Variants in XPO4 observed in about 807,000 individuals in gnomAD.
XPO4 encodes exportin-4.
XPO4 carries 39 observed loss-of-function variants against 143.0 expected under a neutral mutation model. The ratio of observed to expected loss-of-function variants is 0.27; its 90% CI spans 0.21 to 0.36. XPO4 has a LOEUF of 0.36. Among genes scored for constraint, XPO4 ranks in the 10% least tolerant of loss-of-function variants. The pLI is 1.00. For missense variants in XPO4, 907 were observed against 1,348.0 expected (o/e 0.67, Z 5.12); for synonymous variants, 439 against 474.0 (o/e 0.93, Z 0.96).
intron 14 of XPO4, among the ~76,000 whole-genome samples, chr13:20,800,547 G>C (rs1436402152): frequency 6.6e-6 from 1 of 151,744 alleles, no homozygotes; most frequent in Non-Finnish European, 1.5e-5. Flanking sequence ...TATTCCCATA[G>C]TATTAAAAAA....
intron 17 of XPO4, 145 bp from the exon 18 acceptor site, chr13:20,796,401 G>T (rs1050835238): frequency 1.5e-6 from 1 of 666,196 alleles, no homozygotes; most frequent in Non-Finnish European, 2.2e-6. Flanking sequence ...ATAATTTCTA[G>T]AAAGCATATA....
chr13:20,858,393 T>C (rs369917059), intron 3 of XPO4, among the ~76,000 whole-genome samples: 3 of 152,158 alleles, frequency 2.0e-5, no homozygotes, highest in African/African-American at 7.2e-5. Flanking sequence ...AAGGCTAAAG[T>C]ATCATGATGT....
At chr13:20,794,140 T>G (rs1417046604) in intron 18 of XPO4, among the ~76,000 whole-genome samples, 1 of 152,192 alleles carries the variant, frequency 6.6e-6, no homozygotes, top group Non-Finnish European at 1.5e-5. Context: ...TTATTAACGC[T>G]GCCCAGCGCT....
chr13:20,866,546 T>C (rs2138130617), intron 2 of XPO4, among the ~76,000 whole-genome samples: 1 of 152,342 alleles, frequency 6.6e-6, no homozygotes, highest in Admixed American at 6.5e-5. Context: ...TCTGTGCTGG[T>C]GGCAACTGAA....
chr13:20,801,397 T>C (rs530189529), intron 13 of XPO4, among the ~76,000 whole-genome samples: 5 of 152,356 alleles, frequency 3.3e-5, no homozygotes, highest in African/African-American at 7.2e-5. Flanking sequence ...CTGGTTAGTA[T>C]AGTTTGTGTT....
intron 6 of XPO4, among the ~76,000 whole-genome samples, chr13:20,830,699 A>G (rs2059842440): frequency 6.6e-6 from 1 of 152,222 alleles, no homozygotes; most frequent in African/African-American, 2.4e-5. Context: ...CATAATGTTT[A>G]TACAGAACAA....
At chr13:20,902,120 CTCCCTCCCTCCA>C (rs1490755620) in intron 1 of XPO4, 4 of 985,278 alleles carry the variant, frequency 4.1e-6, no homozygotes, top group Non-Finnish European at 4.8e-6. Context: ...AACGATTCCC[CTCCCTCCCTCCA>C]GCCGGCCCGG....
At chr13:20,812,257 G>T (rs902395900) in intron 9 of XPO4, among the ~76,000 whole-genome samples, 2 of 152,134 alleles carry the variant, frequency 1.3e-5, no homozygotes, top group African/African-American at 4.8e-5. Context: ...TGTAATCCCA[G>T]CTACTTGGGA....
intron 22 of XPO4, 88 bp downstream of exon 22, chr13:20,786,877 G>A: frequency 1.9e-6 from 2 of 1,037,864 alleles, no homozygotes; most frequent in Non-Finnish European, 2.8e-6. Flanking sequence ...GATCCTATAA[G>A]GGGGGATTAA....
chr13:20,800,705 C>T, intron 14 of XPO4, 126 bp downstream of exon 14: 1 of 1,220,768 alleles, frequency 8.2e-7, no homozygotes, highest in Non-Finnish European at 1.1e-6. Flanking sequence ...TTCTCTTCCA[C>T]ACAGAAAATG....
At chr13:20,822,384 G>A in intron 7 of XPO4, 95 bp from the exon 8 acceptor site, 1 of 1,057,676 alleles carries the variant, frequency 9.5e-7, no homozygotes, top group Non-Finnish European at 1.3e-6. Flanking sequence ...AAAATTCACT[G>A]TAGCTGGTTA....
At chr13:20,855,831 C>A in intron 3 of XPO4, 66 bp from the exon 4 acceptor site, 1 of 1,448,324 alleles carries the variant, frequency 6.9e-7, no homozygotes, top group Non-Finnish European at 9.2e-7. Context: ...TCCCAAACTT[C>A]TCTCTATGCC....
intron 19 of XPO4, 138 bp from the exon 20 acceptor site, chr13:20,788,754 G>A: frequency 1.2e-6 from 1 of 845,396 alleles, no homozygotes; most frequent in Non-Finnish European, 1.7e-6. Context: ...TAGAAAACAT[G>A]AAGACCAAAT....
At position 20,796,273 on chromosome 13, in the gene XPO4, T is replaced by G; in HGVS notation, c.2617-17A>C. The G allele has an allele frequency of 7.0e-7, 1 of 1,422,824 alleles. No individual in the cohort carries two copies. The highest frequency in any genetic ancestry group is 9.5e-7 in the Non-Finnish European group (1 of 1,050,026). 88.1% of individuals were successfully genotyped at this position (1,422,824 alleles called of 1,614,324 possible). A position where few individuals can be genotyped will look rare whatever the true frequency, so the allele number is the denominator to read the frequency against. ...AGCTTTGGACTGAAAAAAAAAAAAA[T>G]GCACAAATTATGCTACTTGGTACAC... On this transcript the variant is annotated splice_polypyrimidine_tract_variant and intron_variant, in intron 17 of 22. Coordinates refer to ENST00000255305, the MANE Select transcript of XPO4 (RefSeq NM_022459.5).
At chr13:20,810,381 C>A (rs911723673) in intron 9 of XPO4, among the ~76,000 whole-genome samples, 1 of 152,006 alleles carries the variant, frequency 6.6e-6, no homozygotes, top group African/African-American at 2.4e-5. Flanking sequence ...TGCTCCTTAA[C>A]AAGAAATAAC....
chr13:20,819,378 T>C (rs1238099869), intron 9 of XPO4, among the ~76,000 whole-genome samples: 1 of 152,164 alleles, frequency 6.6e-6, no homozygotes, highest in African/African-American at 2.4e-5. Flanking sequence ...AGATCATGTC[T>C]TGGCCAGGCG....
At chr13:20,868,160 T>C (rs1010498042) in intron 2 of XPO4, among the ~76,000 whole-genome samples, 1 of 145,340 alleles carries the variant, frequency 6.9e-6, no homozygotes, top group African/African-American at 2.5e-5. Context: ...GAGTACAAAC[T>C]AAATGGTTAA....
intron 1 of XPO4, among the ~76,000 whole-genome samples, chr13:20,895,987 A>C (rs1008967953): frequency 6.6e-5 from 10 of 152,212 alleles, no homozygotes; most frequent in African/African-American, 2.4e-4. Flanking sequence ...CCATAAACTG[A>C]ATAAATGGCC....
At chr13:20,868,800 T>TG in intron 1 of XPO4, 99 bp from the exon 2 acceptor site, 2 of 1,114,300 alleles carry the variant, frequency 1.8e-6, no homozygotes, top group Non-Finnish European at 2.6e-6. Context: ...CCTTCACTTT[T>TG]GGGGGGCAAG....
Sources: allele counts gnomAD v4.1 joint callset (sites outside exome capture counted in the v4.1 genomes callset), GRCh38; gene constraint gnomAD v4.1.1; transcripts MANE v1.5; gene names NCBI Gene and HGNC (gene_info 2026-07-23, HGNC 2026-07-21).